NOVA1: variants seen among roughly 807,000 people sequenced by gnomAD.
NOVA1 encodes NOVA alternative splicing regulator 1.
A neutral mutation model predicts 38.0 loss-of-function variants in NOVA1; 7 were observed. That is an observed-to-expected ratio of 0.18 (90% confidence interval 0.10 to 0.35). The LOEUF (loss-of-function observed/expected upper bound fraction) is 0.35. Among genes scored for constraint, NOVA1 ranks in the 10% least tolerant of loss-of-function variants. NOVA1 has a pLI of 1.00. For synonymous variants in NOVA1, 270 were observed against 232.5 expected (o/e 1.16, Z -1.47); for missense variants, 460 against 616.0 (o/e 0.75, Z 2.68).
chr14:26,514,173 A>G (rs79034698), intron 2 of NOVA1, among the ~76,000 whole-genome samples: 6,236 of 151,790 alleles, frequency 0.041, 185 homozygotes, highest in South Asian at 0.097. Context: ...TATCAAAATC[A>G]TATAGTTAAA....
At chr14:26,492,884 G>A (rs954358433) in intron 2 of NOVA1, among the ~76,000 whole-genome samples, 3 of 151,906 alleles carry the variant, frequency 2.0e-5, no homozygotes, top group Non-Finnish European at 2.9e-5. Flanking sequence ...AGTGAGCTGG[G>A]ATTGTGCCAC....
intron 2 of NOVA1, among the ~76,000 whole-genome samples, chr14:26,581,874 A>G (rs919600707): frequency 6.6e-6 from 1 of 151,934 alleles, no homozygotes; most frequent in Non-Finnish European, 1.5e-5. Flanking sequence ...GACATATCAC[A>G]AATAATTTTA....
At chr14:26,454,708 C>T (rs559731958) in intron 4 of NOVA1, among the ~76,000 whole-genome samples, 1 of 152,106 alleles carries the variant, frequency 6.6e-6, no homozygotes, top group African/African-American at 2.4e-5. Context: ...GCATTATTTG[C>T]CTATCAAAAT....
intron 2 of NOVA1, among the ~76,000 whole-genome samples, chr14:26,480,793 T>C (rs1026324257): frequency 4.6e-5 from 7 of 152,234 alleles, no homozygotes; most frequent in African/African-American, 1.7e-4. Flanking sequence ...CTGTAAACAT[T>C]TGTTGGATAA....
chr14:26,566,180 G>C (rs1892125317), intron 2 of NOVA1, among the ~76,000 whole-genome samples: 1 of 152,070 alleles, frequency 6.6e-6, no homozygotes, highest in Admixed American at 6.6e-5. Context: ...CACCGTTCAA[G>C]GTTACTAAAA....
intron 3 of NOVA1, among the ~76,000 whole-genome samples, chr14:26,473,282 C>A (rs897939786): frequency 6.6e-6 from 1 of 151,382 alleles, no homozygotes; most frequent in Non-Finnish European, 1.5e-5. Context: ...TTATGTCTAA[C>A]AGAAATACCT....
intron 2 of NOVA1, among the ~76,000 whole-genome samples, chr14:26,560,514 T>A (rs755061964): frequency 6.6e-6 from 1 of 152,082 alleles, no homozygotes; most frequent in Non-Finnish European, 1.5e-5. Flanking sequence ...TAATTTTCAA[T>A]ATGTGATAAC....
chr14:26,564,900 T>C (rs116331375), intron 2 of NOVA1, among the ~76,000 whole-genome samples: 1,728 of 152,308 alleles, frequency 0.011, 23 homozygotes, highest in Middle Eastern at 0.058. Flanking sequence ...TAAATACATT[T>C]GTGGAAATCT....
At chr14:26,569,156 C>T (rs891499700) in intron 2 of NOVA1, among the ~76,000 whole-genome samples, 1 of 152,038 alleles carries the variant, frequency 6.6e-6, no homozygotes, top group South Asian at 2.1e-4. Context: ...CCAGCAGAAA[C>T]AACACAGAGC....
At chr14:26,498,317 C>T (rs1260689502) in intron 2 of NOVA1, among the ~76,000 whole-genome samples, 11 of 151,866 alleles carry the variant, frequency 7.2e-5, no homozygotes, top group Admixed American at 2.6e-4. Flanking sequence ...CCGCCCGCCT[C>T]GGCCTCCCAA....
At chr14:26,578,114 G>C (rs1177007141) in intron 2 of NOVA1, among the ~76,000 whole-genome samples, 2 of 152,112 alleles carry the variant, frequency 1.3e-5, no homozygotes, top group African/African-American at 2.4e-5. Flanking sequence ...AAATGCTGCT[G>C]ATGGTTATAT....
At chr14:26,508,307 T>C (rs1176117280) in intron 2 of NOVA1, among the ~76,000 whole-genome samples, 1 of 152,016 alleles carries the variant, frequency 6.6e-6, no homozygotes. Context: ...CTAAGTGTTG[T>C]AAAAAATAGT....
In NOVA1 at chr14:26,444,223, C is replaced by T. The variant is rs1282898903; in HGVS notation, c.*3736G>A. ...ATTACTAAAATCTACCAATTTAATG[C>T]TTTCATACTGTTTATTTTTTTCCAA... On this transcript the variant is annotated 3_prime_UTR_variant, in exon 5 of 5. Transcript: ENST00000539517. 1 of 152,000 alleles carries T rather than the reference C, an allele frequency of 6.6e-6. No individual in the cohort carries two copies. The highest frequency in any genetic ancestry group is 2.1e-4 in the South Asian group (1 of 4,826). 9.4% of individuals were successfully genotyped at this position (152,000 alleles called of 1,614,324 possible).
chr14:26,450,198 T>C (rs899006753), intron 4 of NOVA1, among the ~76,000 whole-genome samples: 1 of 152,112 alleles, frequency 6.6e-6, no homozygotes, highest in African/African-American at 2.4e-5. Context: ...CTATGAGGGA[T>C]TTCATTAGCT....
At chr14:26,572,492 G>A (rs1235383556) in intron 2 of NOVA1, among the ~76,000 whole-genome samples, 1 of 152,130 alleles carries the variant, frequency 6.6e-6, no homozygotes, top group Non-Finnish European at 1.5e-5. Flanking sequence ...CTATGTGGAA[G>A]ACCCTATAAA....
At position 26,448,481 on chromosome 14, in the gene NOVA1, T is replaced by C. The variant is rs1455025483; in HGVS notation, c.1002A>G (p.Leu334=). The part of the protein sequence containing the change: ...SYGYNLNTLG[L]GLSQAAATGA... ...CTGTTGCTGCTGCTTGACTGAGACC[T>C]AAACCTAAAGTGTTGAGATTATATC... Residue 334 remains leucine (L), a synonymous_variant, in exon 5 of 5, where the codon TTA becomes TTG. Coordinates refer to ENST00000539517, the MANE Select transcript of NOVA1 (RefSeq NM_002515.3). The surrounding 1 kb of genome is among the most constrained non-coding windows in gnomAD (Gnocchi z 5.3). The C allele has an allele frequency of 6.2e-7, 1 of 1,613,874 alleles. No homozygotes were observed. Among genetic ancestry groups the C allele is most frequent in the Non-Finnish European group, 8.5e-7 (1 of 1,180,004 alleles).
chr14:26,596,032 T>TA, intron 1 of NOVA1: 1 of 279,394 alleles, frequency 3.6e-6, no homozygotes, highest in Non-Finnish European at 7.0e-6. Context: ...GGACTACAAT[T>TA]AGCCATTGCC....
At chr14:26,591,089 C>T (rs925665806) in intron 2 of NOVA1, among the ~76,000 whole-genome samples, 5 of 151,376 alleles carry the variant, frequency 3.3e-5, no homozygotes, top group East Asian at 1.9e-4. Flanking sequence ...ATACAGATTG[C>T]GCTATGCCAG....
chr14:26,504,736 T>C (rs1887496131), intron 2 of NOVA1, among the ~76,000 whole-genome samples: 1 of 151,636 alleles, frequency 6.6e-6, no homozygotes, highest in Admixed American at 6.6e-5. Context: ...ACACAGTAGG[T>C]GTCCAATACG....
Sources: gnomAD v4.1 joint callset for allele counts (sites outside exome capture counted in the v4.1 genomes callset) on GRCh38, gnomAD v4.1.1 for gene constraint, Gnocchi (gnomAD v3.1) non-coding constraint, MANE v1.5 for transcripts, NCBI Gene and HGNC (gene_info 2026-07-23, HGNC 2026-07-21) for gene names.